The following RPRD1A variants were observed in gnomAD, a reference collection of about 807,000 sequenced individuals.
RPRD1A encodes the protein regulation of nuclear pre-mRNA domain containing 1A.
In RPRD1A, 9 loss-of-function variants were observed where a neutral mutation model predicts 37.8. That is an observed-to-expected ratio of 0.24 (90% confidence interval 0.14 to 0.42). The LOEUF (loss-of-function observed/expected upper bound fraction) is 0.42. RPRD1A is among the 10% of genes least tolerant of loss of function. RPRD1A has a pLI of 1.00. For synonymous variants in RPRD1A, 138 were observed against 139.7 expected, an observed-to-expected ratio of 0.99 and a Z score of 0.08; for missense variants, 255 against 371.0, an observed-to-expected ratio of 0.69 and a Z score of 2.57.
At chr18:36,039,159 C>T (rs1031065160) in intron 1 of RPRD1A, among the ~76,000 whole-genome samples, 1 of 152,126 alleles carries the variant, frequency 6.6e-6, no homozygotes, top group Non-Finnish European at 1.5e-5. Context: ...TGTGTCCCCA[C>T]CCAAATCTCA....
rs1019461956 is a variant in RPRD1A at position 36,030,984 on chromosome 18, C to T, written c.388+7G>A. 1.6e-5 allele frequency: 26 copies of T among 1,592,976 alleles called. No homozygotes were observed. Among genetic ancestry groups the T allele is most frequent in the East Asian group, 6.7e-5 (3 of 44,698 alleles). ...ATCAAGGTAAGAGATCAGGATTCTA[C>T]ACTTACACAGAGCTTGTTTAAGTTG... On this transcript the variant is annotated splice_region_variant and intron_variant, in intron 3 of 6. Coordinates refer to ENST00000399022, the MANE Select transcript of RPRD1A (RefSeq NM_018170.5).
intron 6 of RPRD1A, among the ~76,000 whole-genome samples, chr18:36,007,608 C>A (rs150072959): frequency 6.6e-6 from 1 of 152,070 alleles, no homozygotes; most frequent in East Asian, 1.9e-4. Flanking sequence ...GAGATCACCA[C>A]CAAAATCAAC....
chr18:36,049,743 G>A (rs1913237429), intron 1 of RPRD1A, among the ~76,000 whole-genome samples: 1 of 152,104 alleles, frequency 6.6e-6, no homozygotes, highest in South Asian at 2.1e-4. Context: ...TTCACCTTTT[G>A]GCTGTTGTGA....
chr18:36,048,725 A>G (rs1021014489), intron 1 of RPRD1A, among the ~76,000 whole-genome samples: 1 of 152,138 alleles, frequency 6.6e-6, no homozygotes, highest in Admixed American at 6.5e-5. Context: ...GAACAAGGCA[A>G]TAACTGTTTA....
In RPRD1A at chr18:36,016,512, C is replaced by T. The variant is rs72643404; in HGVS notation, c.789+10388G>A. 2.6e-3 allele frequency among the ~76,000 whole-genome samples: 402 copies of T among 152,260 alleles called. 14 individuals carry two copies. In the East Asian group the frequency reaches 0.064, roughly 24 times the overall value. On this transcript the variant is annotated intron_variant, in intron 6 of 6. Transcript: ENST00000399022. ...TGCTGGGATTACAGGCATGAGCCAC[C>T]GCGCCCGGCCTGTTTTGTTAAAACT...
chr18:36,053,006 T>C (rs532190578), intron 1 of RPRD1A: 12 of 152,094 alleles, frequency 7.9e-5, no homozygotes, highest in South Asian at 2.1e-4. Context: ...CTAGGGATGA[T>C]TGGTGGGTGA....
chr18:36,067,195 G>A, intron 1 of RPRD1A, 59 bp downstream of exon 1: 3 of 1,496,868 alleles, frequency 2.0e-6, no homozygotes, highest in South Asian at 2.5e-5. Flanking sequence ...CGGGGTTCCC[G>A]GGGGCGCCTG....
At chr18:36,022,335 T>C (rs1466822070) in intron 6 of RPRD1A, among the ~76,000 whole-genome samples, 1 of 152,210 alleles carries the variant, frequency 6.6e-6, no homozygotes, top group East Asian at 1.9e-4. Flanking sequence ...AGGTCGTTGA[T>C]GACGGTGGCT....
intron 1 of RPRD1A, chr18:36,064,366 C>A (rs2088977516): frequency 6.6e-6 from 1 of 152,478 alleles, no homozygotes; most frequent in Non-Finnish European, 1.5e-5. Context: ...GCCGCAAAGT[C>A]CCGCGGCGAG....
In RPRD1A at chr18:36,018,952, T is replaced by A. The variant is rs116376929; in HGVS notation, c.789+7948A>T. ...CAGGAGGCAAGAGCATTCCAGTCCC[T>A]CTCTGTTAACAATCAGCAAAGCAAA... On this transcript the variant is annotated intron_variant, in intron 6 of 6. Transcript: ENST00000399022. 3.5e-3 allele frequency among the ~76,000 whole-genome samples: 537 copies of A among 152,136 alleles called. 2 individuals carry two copies. Among genetic ancestry groups the A allele is most frequent in the African/African-American group, 0.013 (522 of 41,502 alleles).
At position 35,993,230 on chromosome 18, in the gene RPRD1A, G is replaced by C; in HGVS notation, c.860C>G (p.Pro287Arg). Residue 287 changes from proline (P) to arginine (R), a missense_variant, in exon 7 of 7, where the codon CCA (proline) becomes CGA (arginine). Transcript: ENST00000399022. Reference sequence around the variant, plus strand: ...GACATTGGGCAATCGAGATAAGTCTGGCAGGCTCTGGATCCGGGACCTGAG... The same window carrying C: ...GACATTGGGCAATCGAGATAAGTCTCGCAGGCTCTGGATCCGGGACCTGAG... The part of the protein sequence containing the change: ...KELRSRIQSL[P>R]DLSRLPNVTG... 1 of 1,614,202 alleles carries C rather than the reference G, an allele frequency of 6.2e-7. No homozygotes were observed. Among genetic ancestry groups the C allele is most frequent in the Non-Finnish European group, 8.5e-7 (1 of 1,180,024 alleles).
intron 6 of RPRD1A, among the ~76,000 whole-genome samples, chr18:36,012,269 C>T (rs537620444): frequency 3.3e-5 from 5 of 152,100 alleles, no homozygotes; most frequent in Middle Eastern, 3.4e-3. Context: ...GCCATGCTAC[C>T]AGTTGTATAA....
intron 6 of RPRD1A, among the ~76,000 whole-genome samples, chr18:36,012,942 C>T (rs913358358): frequency 6.6e-6 from 1 of 152,178 alleles, no homozygotes; most frequent in African/African-American, 2.4e-5. Flanking sequence ...ATATTTTAGT[C>T]ATCACTCCAA....
At chr18:36,055,120 C>T (rs1913670794) in intron 1 of RPRD1A, among the ~76,000 whole-genome samples, 1 of 152,204 alleles carries the variant, frequency 6.6e-6, no homozygotes, top group South Asian at 2.1e-4. Context: ...AATTAACCAT[C>T]ACAAATGCTG....
chr18:35,992,787 T>C lies in RPRD1A; in HGVS notation c.*364A>G, dbSNP rs1037110031. ...CTTCCCCTTCAGGAATTACATAGTA[T>C]ACAGTGATTAAATGCTGAAGAAAAT... On this transcript the variant is annotated 3_prime_UTR_variant, in exon 7 of 7. Transcript: ENST00000399022. 3 of 172,844 alleles carry C rather than the reference T, an allele frequency of 1.7e-5. No homozygotes were observed. The highest frequency in any genetic ancestry group is 4.8e-5 in the African/African-American group (2 of 41,638). The allele number at this position is 172,844 out of a possible 1,614,324, so 10.7% of individuals were successfully genotyped here.
chr18:36,028,290 G>A (rs535736828), intron 4 of RPRD1A: 3 of 151,834 alleles, frequency 2.0e-5, no homozygotes, highest in African/African-American at 7.2e-5. Flanking sequence ...TGGTAGGAAT[G>A]AATGAAACTA....
At chr18:36,040,746 A>C (rs1257911203) in intron 1 of RPRD1A, 1 of 1,054,328 alleles carries the variant, frequency 9.5e-7, no homozygotes, top group East Asian at 2.8e-5. Context: ...ATCCCTAAAA[A>C]TTTCTAAGCT....
rs2060186495 is a variant in RPRD1A, at chr18:35,991,999, T to C, written c.*1152A>G. ...ACAAATCCACAGCTTAACAATGTGT[T>C]TTTAACAGCAGGAGAGCATGCAACT... is the stretch of plus-strand genomic sequence containing the variant. On this transcript the variant is annotated 3_prime_UTR_variant, in exon 7 of 7. Transcript: ENST00000399022. The C allele has an allele frequency of 6.6e-6, 1 of 152,658 alleles. No homozygotes were observed. The allele number at this position is 152,658 out of a possible 1,614,324, so 9.5% of individuals were successfully genotyped here. A position where few individuals can be genotyped will look rare whatever the true frequency, so the allele number is the denominator to read the frequency against.
Position 36,062,898 on chromosome 18 carries a change from T to C in RPRD1A, c.151+4356A>G, listed in dbSNP as rs551446843. On this transcript the variant is annotated intron_variant, in intron 1 of 6. Coordinates refer to ENST00000399022, the MANE Select transcript of RPRD1A (RefSeq NM_018170.5). Reference sequence around the variant, plus strand: ...ATTCTATAAACATATCAAAAACCACTGAATAGTATACTTTGAATGGATAAA... The same window carrying C: ...ATTCTATAAACATATCAAAAACCACCGAATAGTATACTTTGAATGGATAAA... 3.9e-5 allele frequency: 6 copies of C among 152,306 alleles called. No individual in the cohort carries two copies. The South Asian group carries it at 1.2e-3, about 32-fold the overall frequency. 9.4% of individuals were successfully genotyped at this position (152,306 alleles called of 1,614,324 possible).
Sources: gnomAD v4.1 joint callset for allele counts (sites outside exome capture counted in the v4.1 genomes callset) on GRCh38, gnomAD v4.1.1 for gene constraint, MANE v1.5 for transcripts, NCBI Gene and HGNC (gene_info 2026-07-23, HGNC 2026-07-21) for gene names.